PHC1: variants seen among roughly 807,000 people sequenced by gnomAD.
The protein encoded by PHC1 is polyhomeotic-like protein 1.
A neutral mutation model predicts 104.3 loss-of-function variants in PHC1; 12 were observed. The ratio of observed to expected loss-of-function variants is 0.12; its 90% confidence interval spans 0.07 to 0.19. The LOEUF is 0.19. Ranked by LOEUF, PHC1 falls within the 10% of genes least tolerant of loss-of-function variation. PHC1 has a pLI of 1.00. For missense variants in PHC1, 671 were observed against 1,200.0 expected, an observed-to-expected ratio of 0.56 and a Z score of 6.51; for synonymous variants, 302 against 455.8, an observed-to-expected ratio of 0.66 and a Z score of 4.30.
intron 11 of PHC1, among the ~76,000 whole-genome samples, chr12:8,936,058 C>G (rs920877738): frequency 6.6e-6 from 1 of 152,176 alleles, no homozygotes; most frequent in Non-Finnish European, 1.5e-5. Context: ...GCCACCACGC[C>G]TGGCCCTTGA....
chr12:8,936,387 T>C (rs1170677205), intron 11 of PHC1, among the ~76,000 whole-genome samples: 1 of 151,700 alleles, frequency 6.6e-6, no homozygotes, highest in Non-Finnish European at 1.5e-5. Flanking sequence ...CTCAAAAAAA[T>C]TTTTTTTTCC....
intron 3 of PHC1, among the ~76,000 whole-genome samples, chr12:8,920,653 A>C (rs1410316725): frequency 6.6e-6 from 1 of 152,230 alleles, no homozygotes; most frequent in Non-Finnish European, 1.5e-5. Context: ...GGTTGCAGTG[A>C]GCGGAGATCA....
chr12:8,921,516 T>C lies in PHC1; in HGVS notation c.307-85T>C, dbSNP rs935390328. 3 of 1,198,816 alleles carry C rather than the reference T, an allele frequency of 2.5e-6. No homozygotes were observed. In the African/African-American group the frequency reaches 4.5e-5, roughly 18 times the overall value. 74.3% of individuals were successfully genotyped at this position (1,198,816 alleles called of 1,614,324 possible). ...GAAAGTGAAATACTCTGTTCTTGAC[T>C]GTGTGACTCTGAATTTGTCAGTCAC... On this transcript the variant is annotated intron_variant, in intron 4 of 14. Transcript: ENST00000544916.
At chr12:8,922,094 G>A (rs746713042) in intron 5 of PHC1, among the ~76,000 whole-genome samples, 12 of 152,194 alleles carry the variant, frequency 7.9e-5, no homozygotes, top group Admixed American at 2.0e-4. Context: ...GATTACAGGC[G>A]TGAACCACCG....
chr12:8,927,917 T>C (rs12818026), intron 6 of PHC1, among the ~76,000 whole-genome samples: 51 of 115,682 alleles, frequency 4.4e-4, no homozygotes, highest in Middle Eastern at 4.3e-3. Context: ...TTCTTTCTTT[T>C]TTTTTTTTTT....
Position 8,936,952 on chromosome 12 carries a change from C to T in PHC1, c.2465C>T (p.Thr822Ile). The change falls in exon 12 of 15, where the codon ACT (threonine) becomes ATT (isoleucine). Residue 822 changes from threonine to isoleucine, a missense_variant. This residue lies in a region of PHC1 where 192 missense variants were observed against 280.5 expected (regional missense o/e 0.68). Transcript: ENST00000544916. ...GGCTCTAAGAGGTTCTGCTCCATGA[C>T]TTGCGCTAAGAGGTACTCTGGGCAC... The part of the protein sequence containing the change: ...FRGSKRFCSM[T>I]CAKRYNVSCS... 1 of 1,609,080 alleles carries T rather than the reference C, an allele frequency of 6.2e-7. No homozygotes were observed. Among genetic ancestry groups the T allele is most frequent in the Non-Finnish European group, 8.5e-7 (1 of 1,175,678 alleles).
At position 8,919,641 on chromosome 12, in the gene PHC1, C is replaced by T; in HGVS notation, c.115-115C>T. 2 of 1,043,690 alleles carry T rather than the reference C, an allele frequency of 1.9e-6. No homozygotes were observed. Among genetic ancestry groups the T allele is most frequent in the Non-Finnish European group, 2.8e-6 (2 of 717,242 alleles). The allele number at this position is 1,043,690 out of a possible 1,614,324, so 64.7% of individuals were successfully genotyped here. On this transcript the variant is annotated intron_variant, in intron 2 of 14. Transcript: ENST00000544916. The surrounding 1 kb of genome is among the most constrained non-coding windows in gnomAD (Gnocchi z 4.9). ...CCGTTGACGATTTAGCCCAAACTCC[C>T]ATCTCCTCTGGTTTCTGTCCTTCCC... is the stretch of plus-strand genomic sequence containing the variant.
Position 8,919,666 on chromosome 12 carries a change from CA to C in PHC1, c.115-89del. ...CATCTCCTCTGGTTTCTGTCCTTCC[CA>C]TGGCCCCCTTTCACACAAATACAGT... On this transcript the variant is annotated intron_variant, in intron 2 of 14. Transcript: ENST00000544916. This position sits in a 1 kb window ranked among gnomAD's most constrained non-coding sequence, Gnocchi z 4.9. 3 of 1,300,260 alleles carry C rather than the reference CA, an allele frequency of 2.3e-6. No homozygotes were observed. Among genetic ancestry groups the C allele is most frequent in the Non-Finnish European group, 3.2e-6 (3 of 932,370 alleles). 80.5% of individuals were successfully genotyped at this position (1,300,260 alleles called of 1,614,324 possible). A position where few individuals can be genotyped will look rare whatever the true frequency, so the allele number is the denominator to read the frequency against.
At chr12:8,914,465 G>GC (rs1222234369), upstream of PHC1, 2 of 150,238 alleles carry the variant, frequency 1.3e-5, no homozygotes, top group African/African-American at 4.9e-5. Context: ...GGCGGGGGGG[G>GC]GGTCCGGCTG....
intron 6 of PHC1, among the ~76,000 whole-genome samples, chr12:8,924,180 G>A (rs752315849): frequency 2.6e-5 from 4 of 152,128 alleles, no homozygotes; most frequent in Non-Finnish European, 4.4e-5. Context: ...CTTAGACAAT[G>A]AAAGTGCTAA....
intron 3 of PHC1, among the ~76,000 whole-genome samples, chr12:8,920,253 T>C (rs1388953282): frequency 6.6e-6 from 1 of 152,236 alleles, no homozygotes; most frequent in African/African-American, 2.4e-5. Flanking sequence ...TGAAGTGATA[T>C]TTTATATTGG....
Position 8,934,256 on chromosome 12 carries a change from T to G in PHC1, c.2042-11T>G, listed in dbSNP as rs766231524. On this transcript the variant is annotated splice_polypyrimidine_tract_variant and intron_variant, in intron 9 of 14. Coordinates refer to ENST00000544916, the MANE Select transcript of PHC1 (RefSeq NM_004426.3). ...CTCATGTCTGTTGCTTAATCTGTGT[T>G]TGTTTTCCAGAAAAAGCTGAATCAG... is the stretch of plus-strand genomic sequence containing the variant. 16 of 1,606,080 alleles carry G rather than the reference T, an allele frequency of 1.0e-5. No homozygotes were observed. Among genetic ancestry groups the G allele is most frequent in the Middle Eastern group, 1.7e-4 (1 of 6,042 alleles).
At chr12:8,921,539 C>T in intron 4 of PHC1, 62 bp from the exon 5 acceptor site, 2 of 1,475,094 alleles carry the variant, frequency 1.4e-6, no homozygotes, top group Non-Finnish European at 1.9e-6. Context: ...ATTTGTCAGT[C>T]ACGTACCTTT....
intron 6 of PHC1, 142 bp downstream of exon 6, chr12:8,922,930 A>G (rs1278622132): frequency 5.8e-6 from 4 of 688,064 alleles, no homozygotes; most frequent in Non-Finnish European, 9.6e-6. Flanking sequence ...CTTAATCACC[A>G]TAGAACTTGA....
chr12:8,931,529 G>T (rs986014055), intron 7 of PHC1, among the ~76,000 whole-genome samples: 9 of 152,104 alleles, frequency 5.9e-5, no homozygotes, highest in African/African-American at 2.2e-4. Context: ...GTGAAACCCC[G>T]TCTCTACTAA....
chr12:8,932,542 A>T, intron 7 of PHC1, 21 bp from the exon 8 acceptor site: 1 of 1,610,094 alleles, frequency 6.2e-7, no homozygotes, highest in Non-Finnish European at 8.5e-7. Flanking sequence ...TCTCTGTTGT[A>T]TTCTGGGATT....
rs756692284 is a variant in PHC1 at position 8,935,160 on chromosome 12, C to G, written c.2290C>G (p.Pro764Ala). 3.1e-6 allele frequency: 5 copies of G among 1,588,756 alleles called. No individual in the cohort carries two copies. The East Asian group carries it at 6.8e-5, about 22-fold the overall frequency. The change falls in exon 11 of 15, where the codon CCA becomes GCA. Residue 764 changes from proline to alanine, a missense_variant. Pro to Ala is a conservative substitution (Grantham distance 27). This residue lies in a region of PHC1 where 192 missense variants were observed against 280.5 expected (regional missense o/e 0.68). Transcript: ENST00000544916. ...CSQLLKESEK[P>A]LQTGLPTGLT... ...TCAGTTACTGAAGGAGTCTGAGAAG[C>G]CACTACAGACTGGCCTTCCGACAGG...
At position 8,933,974 on chromosome 12, in the gene PHC1, A is replaced by G; in HGVS notation, c.2003A>G (p.Glu668Gly). Reference sequence around the variant, plus strand: ...CCTGCCAAGGCATCTCCAGTAGCAGAAAGCCCAAAAGTCATGGACGAGAAG... The same window carrying G: ...CCTGCCAAGGCATCTCCAGTAGCAGGAAGCCCAAAAGTCATGGACGAGAAG... ...MLPAKASPVA[E>G]SPKVMDEKSS... The change falls in exon 9 of 15, where the codon GAA (glutamate) becomes GGA (glycine). Residue 668 changes from glutamate to glycine, a missense_variant. Coordinates refer to ENST00000544916, the MANE Select transcript of PHC1 (RefSeq NM_004426.3). 1 of 1,614,080 alleles carries G rather than the reference A, an allele frequency of 6.2e-7. No individual in the cohort carries two copies. Among genetic ancestry groups the G allele is most frequent in the Non-Finnish European group, 8.5e-7 (1 of 1,179,886 alleles).
intron 14 of PHC1, 30 bp downstream of exon 14, chr12:8,938,090 G>A (rs1164117303): frequency 3.3e-5 from 51 of 1,531,294 alleles, no homozygotes; most frequent in Non-Finnish European, 4.2e-5. Flanking sequence ...CAGAACCCAG[G>A]TTGTTTTCCT....
Sources: allele counts gnomAD v4.1 joint callset (sites outside exome capture counted in the v4.1 genomes callset), GRCh38; gene constraint gnomAD v4.1.1; regional missense constraint gnomAD v4.1.1; non-coding constraint Gnocchi (gnomAD v3.1); transcripts MANE v1.5; gene names NCBI Gene and HGNC (gene_info 2026-07-23, HGNC 2026-07-21).